Variants in DIPK1A observed in about 807,000 individuals in gnomAD.
DIPK1A encodes divergent protein kinase domain 1A.
In DIPK1A, 27 loss-of-function variants were observed where a neutral mutation model predicts 40.8. The observed-to-expected ratio is 0.66, with a 90% CI of 0.49 to 0.91. The LOEUF is 0.91. Ranked by LOEUF, DIPK1A falls within the 40% of genes least tolerant of loss-of-function variation. The pLI, the probability that DIPK1A is intolerant of heterozygous loss-of-function variation, is 0.00. For missense variants in DIPK1A, 412 were observed against 505.7 expected (o/e 0.81, Z 1.78); for synonymous variants, 166 against 171.3 (o/e 0.97, Z 0.24).
intron 1 of DIPK1A, among the ~76,000 whole-genome samples, chr1:92,960,428 C>T (rs1011797957): frequency 5.9e-5 from 9 of 152,282 alleles, no homozygotes; most frequent in African/African-American, 2.2e-4. Flanking sequence ...CCTCTGAATG[C>T]AGCGTTGGCT....
chr1:92,882,233 C>T (rs527251286), intron 1 of DIPK1A, among the ~76,000 whole-genome samples: 1 of 152,226 alleles, frequency 6.6e-6, no homozygotes, highest in East Asian at 1.9e-4. Context: ...ATTAAAAATA[C>T]AAAAATTAGC....
intron 1 of DIPK1A, among the ~76,000 whole-genome samples, chr1:92,954,635 A>G (rs1465083245): frequency 1.3e-5 from 2 of 152,030 alleles, no homozygotes; most frequent in Admixed American, 6.5e-5. Flanking sequence ...TCAGCCTCTC[A>G]AAGTGCTGGG....
chr1:92,841,229 CTTCTGTGAG>C (rs1187914721), downstream of DIPK1A, among the ~76,000 whole-genome samples: 4 of 152,184 alleles, frequency 2.6e-5, no homozygotes, highest in African/African-American at 9.7e-5. Flanking sequence ...CTGCTCTCTG[CTTCTGTGAG>C]TTCCATTGTT....
downstream of DIPK1A, chr1:92,837,554 G>T: frequency 1.2e-6 from 2 of 1,611,962 alleles, no homozygotes; most frequent in Non-Finnish European, 1.7e-6. Context: ...GATTACATGC[G>T]CTACTTAATG....
chr1:92,878,072 G>T (rs1222672339), intron 1 of DIPK1A, among the ~76,000 whole-genome samples: 1 of 152,094 alleles, frequency 6.6e-6, no homozygotes, highest in East Asian at 1.9e-4. Context: ...TTTAGCTCCA[G>T]CTACCAGTTT....
intron 1 of DIPK1A, among the ~76,000 whole-genome samples, chr1:92,920,922 G>T (rs749702442): frequency 3.7e-4 from 56 of 152,270 alleles, no homozygotes; most frequent in Middle Eastern, 3.4e-3. Flanking sequence ...GAGCCAGAGA[G>T]TAAGAGGAAG....
intron 1 of DIPK1A, among the ~76,000 whole-genome samples, chr1:92,881,042 G>A (rs1443592043): frequency 5.3e-5 from 8 of 150,854 alleles, no homozygotes; most frequent in African/African-American, 1.2e-4. Flanking sequence ...GTGTGGTGGC[G>A]GGAGCCTGTA....
intron 1 of DIPK1A, among the ~76,000 whole-genome samples, chr1:92,946,733 A>T (rs987616999): frequency 3.3e-5 from 5 of 152,160 alleles, no homozygotes; most frequent in Admixed American, 1.3e-4. Flanking sequence ...GCTTGAGCCC[A>T]GGAGTTTGAG....
At chr1:92,924,090 T>C (rs1278511489) in intron 1 of DIPK1A, among the ~76,000 whole-genome samples, 2 of 152,146 alleles carry the variant, frequency 1.3e-5, no homozygotes, top group African/African-American at 2.4e-5. Context: ...GAGGTGTGCA[T>C]GTTTGTTAAA....
intron 1 of DIPK1A, among the ~76,000 whole-genome samples, chr1:92,895,239 G>A (rs564128730): frequency 1.0e-3 from 158 of 152,036 alleles, no homozygotes; most frequent in African/African-American, 3.6e-3. Context: ...GATGAACATC[G>A]ATGCAAAAAT....
intron 1 of DIPK1A, among the ~76,000 whole-genome samples, chr1:92,881,073 T>A (rs1648349736): frequency 7.1e-6 from 1 of 141,292 alleles, no homozygotes; most frequent in Non-Finnish European, 1.5e-5. Flanking sequence ...CTCGGGAGGC[T>A]GAGGCAGGAG....
chr1:92,847,524 C>G (rs1261931932), intron 3 of DIPK1A, among the ~76,000 whole-genome samples, 165 bp from the exon 4 acceptor site: 1 of 152,138 alleles, frequency 6.6e-6, no homozygotes, highest in African/African-American at 2.4e-5. Context: ...TGAAATCACA[C>G]TCAAGATTTT....
At chr1:92,840,345 G>T, downstream of DIPK1A, 1 of 528,626 alleles carries the variant, frequency 1.9e-6, no homozygotes, top group Non-Finnish European at 3.4e-6. Flanking sequence ...GAGTTCTGTA[G>T]TGATAATTCA....
At chr1:92,846,888 C>T (rs78260116) in intron 4 of DIPK1A, among the ~76,000 whole-genome samples, 5,436 of 5,810 alleles carry the variant, frequency 0.94, 2,627 homozygotes, top group South Asian at 0.98. Context: ...TATATACACA[C>T]ACACGTATAT....
At chr1:92,849,572 G>A (rs563181293) in intron 3 of DIPK1A, among the ~76,000 whole-genome samples, 1 of 152,104 alleles carries the variant, frequency 6.6e-6, no homozygotes, top group Admixed American at 6.5e-5. Flanking sequence ...GTGCAGTGAT[G>A]TGAGATCTTG....
At chr1:92,895,226 C>A (rs1649105605) in intron 1 of DIPK1A, among the ~76,000 whole-genome samples, 1 of 151,938 alleles carries the variant, frequency 6.6e-6, no homozygotes, top group South Asian at 2.1e-4. Flanking sequence ...GACCAATATC[C>A]CTGATGAACA....
chr1:92,948,907 C>T (rs1000650551), intron 1 of DIPK1A, among the ~76,000 whole-genome samples: 3 of 150,396 alleles, frequency 2.0e-5, no homozygotes, highest in African/African-American at 4.9e-5. Flanking sequence ...CGGGTTCAAG[C>T]GATTCTCCTG....
chr1:92,893,130 C>T (rs1018573611), intron 1 of DIPK1A, among the ~76,000 whole-genome samples: 1 of 151,632 alleles, frequency 6.6e-6, no homozygotes, highest in Admixed American at 6.6e-5. Context: ...GGCCAACATT[C>T]AGATTCAGGA....
At chr1:92,934,644 TC>T (rs1460647759) in intron 1 of DIPK1A, among the ~76,000 whole-genome samples, 1 of 152,184 alleles carries the variant, frequency 6.6e-6, no homozygotes, top group Non-Finnish European at 1.5e-5. Flanking sequence ...GCTCACCTTC[TC>T]CCTCAAAACA....
Sources: allele counts gnomAD v4.1 joint callset (sites outside exome capture counted in the v4.1 genomes callset), GRCh38; gene constraint gnomAD v4.1.1; transcripts MANE v1.5; gene names NCBI Gene and HGNC (gene_info 2026-07-23, HGNC 2026-07-21).